Variants in CP observed in about 807,000 individuals in gnomAD.
CP encodes caeruloplasmin.
CP carries 64 observed loss-of-function variants against 122.4 expected under a neutral mutation model. That is an observed-to-expected ratio of 0.52 (90% CI 0.43 to 0.64). CP has a LOEUF of 0.64. CP is among the 30% of genes least tolerant of loss of function. The probability of loss-of-function intolerance (pLI) is 0.00; values close to 1 mark genes in which losing one functional copy is unlikely to be tolerated. For missense variants in CP, 1,167 were observed against 1,284.4 expected, an observed-to-expected ratio of 0.91 and a Z score of 1.40; for synonymous variants, 440 against 436.4, an observed-to-expected ratio of 1.01 and a Z score of -0.10.
In CP at chr3:149,185,413, TG is replaced by T. The variant is rs763306993; in HGVS notation, c.2110del (p.His704IlefsTer6). 5.6e-6 allele frequency: 9 copies of T among 1,614,198 alleles called. No homozygotes were observed. The highest frequency in any genetic ancestry group is 7.6e-6 in the Non-Finnish European group (9 of 1,180,022). The part of the protein sequence containing the change: ...TFNVECLTTD[H>X]YTGGMKQKYT... ...TTTTTGCTTCATGCCGCCTGTGTAA[TG>T]ATCAGTTGTAAGGCATTCAACATTA... On this transcript the variant is annotated frameshift_variant, in exon 12 of 19. Coordinates refer to ENST00000264613, the MANE Select transcript of CP (RefSeq NM_000096.4). LOFTEE classifies it high-confidence loss of function.
At chr3:149,197,257 T>A (rs1238519921) in intron 9 of CP, among the ~76,000 whole-genome samples, 1 of 152,192 alleles carries the variant, frequency 6.6e-6, no homozygotes, top group Non-Finnish European at 1.5e-5. Flanking sequence ...TGGACGCGCA[T>A]GAAAGTCATA....
chr3:149,219,027 C>G (rs1444707117), intron 1 of CP, among the ~76,000 whole-genome samples: 2 of 152,166 alleles, frequency 1.3e-5, no homozygotes, highest in South Asian at 4.1e-4. Context: ...TGCTGCAAAT[C>G]TGGGACAAAG....
chr3:149,176,974 G>A (rs62275034), intron 17 of CP, among the ~76,000 whole-genome samples: 465 of 152,258 alleles, frequency 3.1e-3, no homozygotes, highest in Non-Finnish European at 5.0e-3. Context: ...CAAAATGCAG[G>A]TAACAAAACA....
At chr3:149,194,668 A>G (rs1726780618) in intron 9 of CP, among the ~76,000 whole-genome samples, 1 of 152,220 alleles carries the variant, frequency 6.6e-6, no homozygotes, top group African/African-American at 2.4e-5. Flanking sequence ...CTTGAAAAAC[A>G]CAAAAGTAGA....
chr3:149,167,166 A>C lies in CP; in HGVS notation c.587-1116T>G, dbSNP rs1338969633. The C allele has an allele frequency of 1.3e-5, 21 of 1,613,324 alleles. No individual in the cohort carries two copies. The East Asian group carries it at 4.5e-4, about 34-fold the overall frequency. ...ACGCTTGAAAGAGTATGAACAGTGCATAGACATACTGTTAGAGAGATGCCC... is the reference window on the plus strand; with the variant it reads ...ACGCTTGAAAGAGTATGAACAGTGCCTAGACATACTGTTAGAGAGATGCCC... On this transcript the variant is annotated intron_variant, in intron 4 of 5. Transcript: ENST00000479771.
At chr3:149,214,860 CA>C (rs1464940584) in intron 1 of CP, among the ~76,000 whole-genome samples, 4 of 152,170 alleles carry the variant, frequency 2.6e-5, no homozygotes, top group Non-Finnish European at 4.4e-5. Flanking sequence ...GAGAGTCATT[CA>C]GTCCATATGA....
At chr3:149,172,387 C>T (rs1341116068), downstream of CP, 1 of 597,692 alleles carries the variant, frequency 1.7e-6, no homozygotes, top group African/African-American at 1.9e-5. Context: ...AGGCTGCTTA[C>T]CTTACCGTGT....
intron 9 of CP, among the ~76,000 whole-genome samples, chr3:149,189,418 A>G (rs567208901): frequency 2.0e-5 from 3 of 151,036 alleles, no homozygotes; most frequent in South Asian, 2.1e-4. Flanking sequence ...GCCGGGTGTG[A>G]TGGCGGGCTC....
At chr3:149,185,154 T>C (rs1479153331) in intron 12 of CP, 85 bp downstream of exon 12, 20 of 1,312,970 alleles carry the variant, frequency 1.5e-5, no homozygotes, top group Middle Eastern at 2.7e-4. Flanking sequence ...TTTTTTTTTT[T>C]CTAAAATTTG....
chr3:149,209,491 G>A (rs1010705688), intron 3 of CP, 107 bp from the exon 4 acceptor site: 19 of 1,192,686 alleles, frequency 1.6e-5, no homozygotes, highest in East Asian at 2.6e-5. Context: ...TTATTTTTTC[G>A]AATAAATCAC....
rs1345718996 is a variant in CP at position 149,199,820 on chromosome 3, A to G, written c.1393T>C (p.Phe465Leu). 6.2e-7 allele frequency: 1 copy of G among 1,614,160 alleles called. No homozygotes were observed. Among genetic ancestry groups the G allele is most frequent in the South Asian group, 1.1e-5 (1 of 91,088 alleles). ...AGGGGATATGCTCCTTTGTTATGGAAGGTTACTCTGATGGTGTCTCCCACC... is the reference window on the plus strand; with the variant it reads ...AGGGGATATGCTCCTTTGTTATGGAGGGTTACTCTGATGGTGTCTCCCACC... Reference protein sequence around the residue: ...AEVGDTIRVTFHNKGAYPLSI... With the variant: ...AEVGDTIRVTLHNKGAYPLSI... The change falls in exon 8 of 19, where the codon TTC (phenylalanine) becomes CTC (leucine). Residue 465 changes from phenylalanine to leucine, a missense_variant. Physicochemically the swap from Phe to Leu is conservative, Grantham distance 22 (BLOSUM62 0). Coordinates refer to ENST00000264613, the MANE Select transcript of CP (RefSeq NM_000096.4).
rs139268329 is a variant in CP, at chr3:149,206,379, A to G, written c.1037-40T>C. ...AAAGAGGCATTGATTAATGAAGACAATGTTTCTCTCTCCTATTGCCCTGTA... is the reference window on the plus strand; with the variant it reads ...AAAGAGGCATTGATTAATGAAGACAGTGTTTCTCTCTCCTATTGCCCTGTA... On this transcript the variant is annotated intron_variant, in intron 5 of 18. Transcript: ENST00000264613. 11 of 1,610,958 alleles carry G rather than the reference A, an allele frequency of 6.8e-6. No homozygotes were observed. In the East Asian group the frequency reaches 2.2e-4, roughly 33 times the overall value.
At chr3:149,209,050 C>T (rs1727934040) in intron 4 of CP, among the ~76,000 whole-genome samples, 161 bp downstream of exon 4, 1 of 152,062 alleles carries the variant, frequency 6.6e-6, no homozygotes, top group Non-Finnish European at 1.5e-5. Flanking sequence ...AGTTTTTATT[C>T]TGACTTACTT....
chr3:149,191,812 T>C (rs1172320207), intron 9 of CP, among the ~76,000 whole-genome samples: 1 of 151,986 alleles, frequency 6.6e-6, no homozygotes, highest in African/African-American at 2.4e-5. Context: ...AATTAAAAAA[T>C]ACCGTGTTAT....
chr3:149,202,561 A>C (rs564683696), intron 6 of CP, among the ~76,000 whole-genome samples: 1 of 151,802 alleles, frequency 6.6e-6, no homozygotes, highest in South Asian at 2.1e-4. Flanking sequence ...TGAAATGTTT[A>C]AAAACACAGT....
At chr3:149,199,379 T>C (rs1334751338) in intron 8 of CP, among the ~76,000 whole-genome samples, 1 of 152,206 alleles carries the variant, frequency 6.6e-6, no homozygotes, top group East Asian at 1.9e-4. Flanking sequence ...TCTATATTTT[T>C]CAAATATTCT....
intron 9 of CP, among the ~76,000 whole-genome samples, chr3:149,192,145 T>A (rs1303604328): frequency 6.6e-6 from 1 of 152,056 alleles, no homozygotes; most frequent in African/African-American, 2.4e-5. Flanking sequence ...CTGACATGTA[T>A]TTAAAACTTT....
intron 4 of CP, chr3:149,167,162 G>T: frequency 1.2e-6 from 2 of 1,613,800 alleles, no homozygotes; most frequent in Non-Finnish European, 1.7e-6. Flanking sequence ...AGTATGAACA[G>T]TGCATAGACA....
At chr3:149,193,333 G>A (rs994993284) in intron 9 of CP, among the ~76,000 whole-genome samples, 6 of 152,040 alleles carry the variant, frequency 3.9e-5, no homozygotes, top group African/African-American at 1.2e-4. Context: ...GTAAAAAATT[G>A]CAAACCATCT....
Sources: gnomAD v4.1 joint callset for allele counts (sites outside exome capture counted in the v4.1 genomes callset) on GRCh38, gnomAD v4.1.1 for gene constraint, MANE v1.5 for transcripts, NCBI Gene and HGNC (gene_info 2026-07-23, HGNC 2026-07-21) for gene names.